Variants in ZNF337 observed in about 807,000 individuals in gnomAD.
ZNF337 encodes the protein zinc finger protein 337.
Under a neutral mutation model 12.1 loss-of-function variants are expected in ZNF337, and 8 were observed. That is an observed-to-expected ratio of 0.66 (90% confidence interval 0.39 to 1.19). The LOEUF is 1.19. Among genes scored for constraint, ZNF337 ranks in the 50% most tolerant of loss-of-function variants. The pLI, the probability that ZNF337 is intolerant of heterozygous loss-of-function variation, is 0.01. For missense variants in ZNF337, 882 were observed against 896.6 expected (o/e 0.98, Z 0.21); for synonymous variants, 336 against 320.0 (o/e 1.05, Z -0.53).
At chr20:25,696,088 C>CG (rs2065924356) in intron 1 of ZNF337, among the ~76,000 whole-genome samples, 1 of 28,184 alleles carries the variant, frequency 3.5e-5, no homozygotes, top group African/African-American at 2.9e-4. Flanking sequence ...CCACGCAGAT[C>CG]CCCCCCCCCC....
rs765306139 is a variant in ZNF337, at chr20:25,676,202, G to C, written c.1086C>G (p.His362Gln). ...ECGRGFSNKS[H>Q]LITHQRTHSG... ...AGTGTGTCCTCTGGTGTGTGATAAGGTGTGACTTATTGCTAAAGCCTCGGC... is the reference window on the plus strand; with the variant it reads ...AGTGTGTCCTCTGGTGTGTGATAAGCTGTGACTTATTGCTAAAGCCTCGGC... The change falls in exon 5 of 5, where the codon CAC (histidine) becomes CAG (glutamine). Residue 362 changes from histidine (H) to glutamine (Q), a missense_variant. Transcript: ENST00000252979. 6.2e-7 allele frequency: 1 copy of C among 1,613,980 alleles called. No individual in the cohort carries two copies. The highest frequency in any genetic ancestry group is 1.7e-5 in the Admixed American group (1 of 59,990).
intron 1 of ZNF337, among the ~76,000 whole-genome samples, chr20:25,694,215 T>C (rs2065902946): frequency 6.6e-6 from 1 of 152,126 alleles, no homozygotes; most frequent in African/African-American, 2.4e-5. Flanking sequence ...TTCACAACTG[T>C]CCTATGAAGT....
At position 25,675,971 on chromosome 20, in the gene ZNF337, T is replaced by C. The variant is rs558970447; in HGVS notation, c.1317A>G (p.Gln439=). Residue 439 remains glutamine (Q), a synonymous_variant, in exon 5 of 5, where the codon CAA becomes CAG. Transcript: ENST00000252979. ...CAAGGGTTGACTTCTGAATAAATCCTTGCCCACATTCTCTACAAACAAAAG... is the reference window on the plus strand; with the variant it reads ...CAAGGGTTGACTTCTGAATAAATCCCTGCCCACATTCTCTACAAACAAAAG... ...EKPFVCRECG[Q]GFIQKSTLVK... is the part of the protein sequence containing the mutation. 24 of 1,613,712 alleles carry C rather than the reference T, an allele frequency of 1.5e-5. No homozygotes were observed. In the Admixed American group the frequency reaches 3.0e-4, roughly 20 times the overall value.
chr20:25,684,266 A>G (rs1174618609), intron 4 of ZNF337, among the ~76,000 whole-genome samples: 2 of 151,378 alleles, frequency 1.3e-5, no homozygotes, highest in Non-Finnish European at 1.5e-5. Flanking sequence ...TGACGAGTTA[A>G]TGGGTGCAGC....
Position 25,696,680 on chromosome 20 carries a change from A to G in ZNF337, c.-50+79T>C, listed in dbSNP as rs2065935205. The stretch of plus-strand genomic sequence containing the variant: ...GCGCTACGGCCCCAGCAGCGCCCTC[A>G]CGTCCCAGGCCTTCCCGGCCCTTCT... On this transcript the variant is annotated intron_variant, in intron 1 of 4. Transcript: ENST00000252979. The G allele has an allele frequency of 3.2e-6, 3 of 939,816 alleles. No homozygotes were observed. The Admixed American group carries it at 1.9e-4, about 58-fold the overall frequency. 58.2% of individuals were successfully genotyped at this position (939,816 alleles called of 1,614,324 possible).
chr20:25,691,798 C>G (rs749188407), intron 1 of ZNF337, among the ~76,000 whole-genome samples: 27 of 152,066 alleles, frequency 1.8e-4, no homozygotes, highest in Non-Finnish European at 2.9e-4. Context: ...AGACAAATTC[C>G]GTGTAGTTTA....
Position 25,674,170 on chromosome 20 carries a change from T to C in ZNF337, c.*862A>G, listed in dbSNP as rs1258434932. 1 of 152,222 alleles carries C rather than the reference T, an allele frequency of 6.6e-6. No homozygotes were observed. Among genetic ancestry groups the C allele is most frequent in the African/African-American group, 2.4e-5 (1 of 41,434 alleles). 9.4% of individuals were successfully genotyped at this position (152,222 alleles called of 1,614,324 possible). A position where few individuals can be genotyped will look rare whatever the true frequency, so the allele number is the denominator to read the frequency against. ...AGAGAATGATGAGGGGAGCAGTTACTTAGTCTATTTGAGCTGTTATAATAA... is the reference window on the plus strand; with the variant it reads ...AGAGAATGATGAGGGGAGCAGTTACCTAGTCTATTTGAGCTGTTATAATAA... On this transcript the variant is annotated 3_prime_UTR_variant, in exon 5 of 5. Transcript: ENST00000252979.
chr20:25,675,311 A>C lies in ZNF337; in HGVS notation c.1977T>G (p.Asn659Lys). Residue 659 changes from asparagine (N) to lysine (K), a missense_variant, in exon 5 of 5, where the codon AAT becomes AAG. Coordinates refer to ENST00000252979, the MANE Select transcript of ZNF337 (RefSeq NM_015655.4). Reference protein sequence around the residue: ...THSGEKPFVCNVCGQGFSWKR... With the variant: ...THSGEKPFVCKVCGQGFSWKR... ...TCCAGCTGAAGCCTTGCCCACACAC[A>C]TTACACACGAAGGGCTTCTCCCCTG... 2 of 1,612,578 alleles carry C rather than the reference A, an allele frequency of 1.2e-6. No individual in the cohort carries two copies. Among genetic ancestry groups the C allele is most frequent in the Non-Finnish European group, 1.7e-6 (2 of 1,179,638 alleles).
intron 4 of ZNF337, among the ~76,000 whole-genome samples, chr20:25,681,822 A>C (rs984100522): frequency 1.3e-5 from 2 of 152,238 alleles, no homozygotes; most frequent in Non-Finnish European, 2.9e-5. Flanking sequence ...AAACATTATA[A>C]TACTACTTAT....
At position 25,675,818 on chromosome 20, in the gene ZNF337, A is replaced by T; in HGVS notation, c.1470T>A (p.Cys490Ter). ...CCCGAAACCTTCGCCCACACTCCCGACATCCATAAGGCTTCTCCTCTGAGT... is the reference window on the plus strand; with the variant it reads ...CCCGAAACCTTCGCCCACACTCCCGTCATCCATAAGGCTTCTCCTCTGAGT... The part of the protein sequence containing the change: ...RTHSEEKPYG[C>*]RECGRRFRDK... Residue 490 changes from cysteine (C) to a stop codon, truncating the protein, a stop_gained, in exon 5 of 5, where the codon TGT (cysteine) becomes TGA (stop). Transcript: ENST00000252979. LOFTEE classifies it low-confidence loss of function (END_TRUNC). 1 of 1,613,560 alleles carries T rather than the reference A, an allele frequency of 6.2e-7. No homozygotes were observed. The highest frequency in any genetic ancestry group is 8.5e-7 in the Non-Finnish European group (1 of 1,179,818).
intron 4 of ZNF337, among the ~76,000 whole-genome samples, chr20:25,685,059 G>A (rs2065812967): frequency 6.6e-6 from 1 of 150,804 alleles, no homozygotes; most frequent in Non-Finnish European, 1.5e-5. Context: ...AAACCAACAT[G>A]GCACATGTAT....
intron 2 of ZNF337, 64 bp downstream of exon 2, chr20:25,686,326 TA>T: frequency 6.6e-7 from 1 of 1,506,664 alleles, no homozygotes; most frequent in Non-Finnish European, 9.2e-7. Flanking sequence ...ATGTAACTGC[TA>T]GGGCCAGTGA....
chr20:25,686,622 C>T (rs779247151), intron 1 of ZNF337, 156 bp from the exon 2 acceptor site: 32 of 583,586 alleles, frequency 5.5e-5, no homozygotes, highest in Non-Finnish European at 8.3e-5. Context: ...GAGCCAGGCT[C>T]CCTGCAAATC....
Position 25,685,575 on chromosome 20 carries a change from G to C in ZNF337, c.242C>G (p.Pro81Arg). 2.5e-6 allele frequency: 4 copies of C among 1,614,032 alleles called. No homozygotes were observed. The highest frequency in any genetic ancestry group is 3.4e-6 in the Non-Finnish European group (4 of 1,179,904). Residue 81 changes from proline to arginine, a missense_variant, in exon 4 of 5, where the codon CCC becomes CGC. Coordinates refer to ENST00000252979, the MANE Select transcript of ZNF337 (RefSeq NM_015655.4). ...WGEERRRRPG[P>R]CAGIYAEHVL... ...CCTGTCTATCCCCTCACCTGCACAG[G>C]GGCCTGGCCGGCGTCTTCTCTCTTC...
chr20:25,677,300 G>T, intron 4 of ZNF337: 1 of 359,700 alleles, frequency 2.8e-6, no homozygotes, highest in South Asian at 8.5e-5. Context: ...CAATATCCCT[G>T]ATGATGCTAA....
At chr20:25,685,456 G>A (rs1276681068) in intron 4 of ZNF337, 111 bp downstream of exon 4, 4 of 837,036 alleles carry the variant, frequency 4.8e-6, no homozygotes, top group Non-Finnish European at 5.8e-6. Flanking sequence ...GTGGTCTGAA[G>A]AGCAGCCAAG....
intron 4 of ZNF337, chr20:25,677,594 C>CA (rs1216481969): frequency 1.3e-5 from 2 of 152,578 alleles, no homozygotes; most frequent in Non-Finnish European, 2.9e-5. Context: ...AGTGCAGTGG[C>CA]ATGATCATGG....
chr20:25,696,028 A>T (rs2065922280), intron 1 of ZNF337, among the ~76,000 whole-genome samples: 1 of 151,090 alleles, frequency 6.6e-6, no homozygotes. Context: ...GGCCCCAGGG[A>T]AGAGGCCACC....
In ZNF337 at chr20:25,676,225, G is replaced by A. The variant is rs745759894; in HGVS notation, c.1063C>T (p.Arg355Ter). ...AGGTGTGACTTATTGCTAAAGCCTC[G>A]GCCACACTCCTGGCATCTGTAAGGC... is the stretch of plus-strand genomic sequence containing the variant. ...EKPYRCQECG[R>*]GFSNKSHLIT... The change falls in exon 5 of 5, where the codon CGA becomes TGA. Residue 355 changes from arginine to a stop codon, truncating the protein, a stop_gained. Transcript: ENST00000252979. LOFTEE classifies it low-confidence loss of function (END_TRUNC). 10 of 1,613,822 alleles carry A rather than the reference G, an allele frequency of 6.2e-6. No individual in the cohort carries two copies. The highest frequency in any genetic ancestry group is 6.8e-6 in the Non-Finnish European group (8 of 1,179,954).
Sources: gnomAD v4.1 joint callset for allele counts (sites outside exome capture counted in the v4.1 genomes callset) on GRCh38, gnomAD v4.1.1 for gene constraint, MANE v1.5 for transcripts, NCBI Gene and HGNC (gene_info 2026-07-23, HGNC 2026-07-21) for gene names.